The following LGI1 variants were observed in gnomAD, a reference collection of about 807,000 sequenced individuals.
LGI1 encodes leucine-rich glioma-inactivated protein 1.
In LGI1, 11 loss-of-function variants were observed where a neutral mutation model predicts 57.7. The ratio of observed to expected loss-of-function variants is 0.19; its 90% CI spans 0.12 to 0.32. The LOEUF (loss-of-function observed/expected upper bound fraction) is 0.32, where lower values mean the gene tolerates loss of function less well. Ranked by LOEUF, LGI1 falls within the 10% of genes least tolerant of loss-of-function variation. The pLI, the probability that LGI1 is intolerant of heterozygous loss-of-function variation, is 1.00. For synonymous variants in LGI1, 222 were observed against 241.9 expected, an observed-to-expected ratio of 0.92 and a Z score of 0.76; for missense variants, 422 against 661.9, an observed-to-expected ratio of 0.64 and a Z score of 3.98.
chr10:93,792,933 C>T (rs1228252846), intron 6 of LGI1, 21 bp downstream of exon 6: 11 of 1,609,138 alleles, frequency 6.8e-6, no homozygotes, highest in Non-Finnish European at 9.4e-6. Flanking sequence ...CATCATCATT[C>T]CACCTCAAAA....
chr10:93,758,657 G>A lies in LGI1; in HGVS notation c.216-103G>A, dbSNP rs1408330179. ...TACTTCATAAAATAGTGTCAAAATA[G>A]TCACTGTTATGCTAAACCGGATTAA... is the stretch of plus-strand genomic sequence containing the variant. On this transcript the variant is annotated intron_variant, in intron 1 of 7. Coordinates refer to ENST00000371418, the MANE Select transcript of LGI1 (RefSeq NM_005097.4). The surrounding 1 kb of genome is among the most constrained non-coding windows in gnomAD (Gnocchi z 4.7). 12 of 821,996 alleles carry A rather than the reference G, an allele frequency of 1.5e-5. No homozygotes were observed. In the East Asian group the frequency reaches 2.5e-4, roughly 17 times the overall value. The allele number at this position is 821,996 out of a possible 1,614,324, so 50.9% of individuals were successfully genotyped here. A position where few individuals can be genotyped will look rare whatever the true frequency, so the allele number is the denominator to read the frequency against.
chr10:93,793,214 T>C lies in LGI1; in HGVS notation c.702T>C (p.Tyr234=), dbSNP rs1020312575. ...TTGCAAAGTCTCAAGACCTGCCTTATCAATCATTGTCCATAGACACTTTTT... is the reference window on the plus strand; with the variant it reads ...TTGCAAAGTCTCAAGACCTGCCTTACCAATCATTGTCCATAGACACTTTTT... ...TEFAKSQDLP[Y]QSLSIDTFSY... Residue 234 remains tyrosine (Y), a synonymous_variant, in exon 7 of 8, where the codon TAT becomes TAC. Coordinates refer to ENST00000371418, the MANE Select transcript of LGI1 (RefSeq NM_005097.4). 2 of 1,612,996 alleles carry C rather than the reference T, an allele frequency of 1.2e-6. No individual in the cohort carries two copies. The highest frequency in any genetic ancestry group is 2.2e-5 in the East Asian group (1 of 44,840).
At chr10:93,788,283 T>A (rs1451236327) in intron 4 of LGI1, 1 of 152,186 alleles carries the variant, frequency 6.6e-6, no homozygotes, top group Non-Finnish European at 1.5e-5. Context: ...TTAGCAGCAT[T>A]TTATTAATTT....
chr10:93,789,650 G>C (rs2059919478), intron 4 of LGI1: 1 of 168,214 alleles, frequency 5.9e-6, no homozygotes, highest in African/African-American at 2.4e-5. Context: ...GAGGCGGGTG[G>C]ATCACTGAAG....
intron 7 of LGI1, among the ~76,000 whole-genome samples, chr10:93,795,897 T>C (rs1322204352): frequency 6.6e-6 from 1 of 152,254 alleles, no homozygotes; most frequent in Non-Finnish European, 1.5e-5. Flanking sequence ...AATAAAACTA[T>C]TTTGCCTATG....
At chr10:93,783,754 G>C (rs1013041171) in intron 4 of LGI1, among the ~76,000 whole-genome samples, 2 of 152,220 alleles carry the variant, frequency 1.3e-5, no homozygotes, top group Admixed American at 6.5e-5. Context: ...GCTCATGCTT[G>C]TAATCCCAGC....
rs767119123 is a variant in LGI1 at position 93,798,126 on chromosome 10, A to C, written c.*323A>C. On this transcript the variant is annotated 3_prime_UTR_variant, in exon 8 of 8. Transcript: ENST00000371418. ...TTATTTATTCATGTGTACAGAAACA[A>C]CTGCCAAATAAAATGTTTACATTTT... 4.0e-5 allele frequency: 12 copies of C among 302,908 alleles called. No homozygotes were observed. Among genetic ancestry groups the C allele is most frequent in the Non-Finnish European group, 6.8e-5 (11 of 161,514 alleles). 18.8% of individuals were successfully genotyped at this position (302,908 alleles called of 1,614,324 possible).
chr10:93,795,459 T>C (rs1348589201), intron 7 of LGI1, among the ~76,000 whole-genome samples: 2 of 152,152 alleles, frequency 1.3e-5, no homozygotes, highest in Non-Finnish European at 2.9e-5. Flanking sequence ...GGGCACAAAT[T>C]CCATTCATGA....
At chr10:93,796,457 C>G (rs867489093) in intron 7 of LGI1, among the ~76,000 whole-genome samples, 1 of 152,134 alleles carries the variant, frequency 6.6e-6, no homozygotes, top group Non-Finnish European at 1.5e-5. Context: ...GCTGGTAGGC[C>G]TGGCTTTGAA....
At chr10:93,790,021 A>G in intron 4 of LGI1, 78 bp from the exon 5 acceptor site, 2 of 1,371,750 alleles carry the variant, frequency 1.5e-6, no homozygotes, top group Middle Eastern at 2.4e-4. Flanking sequence ...AAAGAGACTC[A>G]TCACTAAGCT....
chr10:93,790,153 G>A lies in LGI1; in HGVS notation c.486G>A (p.Leu162=), dbSNP rs139908142. 1 of 1,606,966 alleles carries A rather than the reference G, an allele frequency of 6.2e-7. No homozygotes were observed. The highest frequency in any genetic ancestry group is 1.4e-5 in the African/African-American group (1 of 73,714). Residue 162 remains leucine, a synonymous_variant, in exon 5 of 8, where the codon CTG becomes CTA. Transcript: ENST00000371418. ...QTLPKDIFKG[L]DSLTNVDLRG... ...TCCCAAAAGATATTTTCAAAGGCCTGGATTCTTTAACAAATGTGTAAGAGG... is the reference window on the plus strand; with the variant it reads ...TCCCAAAAGATATTTTCAAAGGCCTAGATTCTTTAACAAATGTGTAAGAGG...
chr10:93,777,747 C>A (rs1440076001), intron 4 of LGI1, 130 bp downstream of exon 4: 3 of 694,616 alleles, frequency 4.3e-6, no homozygotes, highest in Non-Finnish European at 5.1e-6. Context: ...TCTCTCCATG[C>A]ACACTTGCCA....
chr10:93,789,312 G>C (rs553721811), intron 4 of LGI1: 1 of 152,246 alleles, frequency 6.6e-6, no homozygotes, highest in Non-Finnish European at 1.5e-5. Flanking sequence ...GTGGGCTTTA[G>C]AAAGGAGAAA....
Position 93,777,532 on chromosome 10 carries a change from A to G in LGI1, c.360-14A>G. On this transcript the variant is annotated splice_polypyrimidine_tract_variant and intron_variant, in intron 3 of 7. Coordinates refer to ENST00000371418, the MANE Select transcript of LGI1 (RefSeq NM_005097.4). ...CTGTAACTGTTTGACAAAAAATATT[A>G]TAACTTATTGCAGATTCATAGAAAA... 1.2e-6 allele frequency: 2 copies of G among 1,612,540 alleles called. No homozygotes were observed. Among genetic ancestry groups the G allele is most frequent in the South Asian group, 1.1e-5 (1 of 91,012 alleles).
At chr10:93,778,345 TCACACACACACACACACACACACA>T (rs60017902) in intron 4 of LGI1, among the ~76,000 whole-genome samples, 5 of 148,644 alleles carry the variant, frequency 3.4e-5, no homozygotes, top group South Asian at 2.2e-4. Flanking sequence ...ACAAACACAT[TCACACACACACACACACACACACA>T]CACACACACA....
At chr10:93,774,710 T>G (rs1589759944) in intron 2 of LGI1, among the ~76,000 whole-genome samples, 1 of 152,196 alleles carries the variant, frequency 6.6e-6, no homozygotes, top group Non-Finnish European at 1.5e-5. Flanking sequence ...GCCACCCTGG[T>G]CTGCCCCAGT....
chr10:93,789,879 T>C (rs1229143020), intron 4 of LGI1: 12 of 527,176 alleles, frequency 2.3e-5, no homozygotes, highest in Admixed American at 3.4e-5. Context: ...TCTCAAGAAA[T>C]AAAAGTAAAT....
intron 2 of LGI1, among the ~76,000 whole-genome samples, chr10:93,759,838 A>T (rs546130967): frequency 5.3e-5 from 8 of 152,298 alleles, no homozygotes; most frequent in Admixed American, 2.0e-4. Context: ...GACGTTGGAG[A>T]GACAAGTGTT....
intron 2 of LGI1, chr10:93,771,341 G>C (rs1291613053): frequency 2.0e-5 from 3 of 152,192 alleles, no homozygotes; most frequent in African/African-American, 7.2e-5. Context: ...AGACAGGAAA[G>C]GATATTTAAA....
Sources: allele counts gnomAD v4.1 joint callset (sites outside exome capture counted in the v4.1 genomes callset), GRCh38; gene constraint gnomAD v4.1.1; non-coding constraint Gnocchi (gnomAD v3.1); transcripts MANE v1.5; gene names NCBI Gene and HGNC (gene_info 2026-07-23, HGNC 2026-07-21).